CTSS: variants seen among roughly 807,000 people sequenced by gnomAD.
CTSS encodes cathepsin S.
In CTSS, 15 loss-of-function variants were observed where a neutral mutation model predicts 39.9. The observed-to-expected ratio is 0.38, with a 90% CI of 0.25 to 0.58. The LOEUF is 0.58. CTSS is among the 20% of genes least tolerant of loss of function. The probability of loss-of-function intolerance (pLI) is 0.70; values close to 1 mark genes in which losing one functional copy is unlikely to be tolerated. For missense variants in CTSS, 250 were observed against 398.2 expected (o/e 0.63, Z 3.17); for synonymous variants, 126 against 138.2 (o/e 0.91, Z 0.62).
intron 2 of CTSS, among the ~76,000 whole-genome samples, chr1:150,762,433 C>T (rs1175874801): frequency 6.6e-6 from 1 of 152,030 alleles, no homozygotes; most frequent in Non-Finnish European, 1.5e-5. Context: ...GAACGGGACT[C>T]CATCAAACTA....
At position 150,732,969 on chromosome 1, in the gene CTSS, T is replaced by C. The variant is rs1252376013; in HGVS notation, c.*77A>G. On this transcript the variant is annotated 3_prime_UTR_variant, in exon 8 of 8. Coordinates refer to ENST00000368985, the MANE Select transcript of CTSS (RefSeq NM_004079.5). ...CATTAATCATGACACAATTATTTCT[T>C]CTGGATACAGCAGGAAAAATTAAGT... 8.9e-6 allele frequency: 9 copies of C among 1,010,540 alleles called. No homozygotes were observed. Among genetic ancestry groups the C allele is most frequent in the Non-Finnish European group, 1.2e-5 (8 of 657,270 alleles). 62.6% of individuals were successfully genotyped at this position (1,010,540 alleles called of 1,614,324 possible). A position where few individuals can be genotyped will look rare whatever the true frequency, so the allele number is the denominator to read the frequency against.
intron 3 of CTSS, among the ~76,000 whole-genome samples, chr1:150,756,863 T>C (rs1012900622): frequency 1.3e-5 from 2 of 152,162 alleles, no homozygotes; most frequent in African/African-American, 4.8e-5. Context: ...ATTACAGGCA[T>C]GTGCCACCAC....
Position 150,732,706 on chromosome 1 carries a change from T to C in CTSS, c.*340A>G. The C allele has an allele frequency of 5.6e-6, 1 of 179,492 alleles. No individual in the cohort carries two copies. Among genetic ancestry groups the C allele is most frequent in the Non-Finnish European group, 1.2e-5 (1 of 85,188 alleles). The allele number at this position is 179,492 out of a possible 1,614,324, so 11.1% of individuals were successfully genotyped here. The stretch of plus-strand genomic sequence containing the variant: ...TCAACATAGCCTCAACCTCTTGGGT[T>C]CAAGGAATCTCGTGCCTCAGCCTCC... On this transcript the variant is annotated 3_prime_UTR_variant, in exon 8 of 8. Transcript: ENST00000368985.
chr1:150,745,416 T>A (rs1652874020), intron 7 of CTSS, among the ~76,000 whole-genome samples: 1 of 152,108 alleles, frequency 6.6e-6, no homozygotes. Flanking sequence ...ATCCCAGTGC[T>A]CTGGGAGACC....
At chr1:150,753,200 C>G (rs1653043517) in intron 4 of CTSS, among the ~76,000 whole-genome samples, 1 of 152,110 alleles carries the variant, frequency 6.6e-6, no homozygotes, top group African/African-American at 2.4e-5. Context: ...TTGATCACAA[C>G]CTGGGGTAGC....
chr1:150,731,390 A>T lies in CTSS; in HGVS notation c.*1656T>A, dbSNP rs587755816. ...GCAACAGAGTGAGACTCCGTCTCAA[A>T]AAACAAAACAAAACTGAAAAGTAAT... On this transcript the variant is annotated 3_prime_UTR_variant, in exon 8 of 8. Transcript: ENST00000368985. The T allele has an allele frequency of 6.6e-6, 1 of 152,368 alleles. No individual in the cohort carries two copies. The highest frequency in any genetic ancestry group is 2.1e-4 in the South Asian group (1 of 4,832). 9.4% of individuals were successfully genotyped at this position (152,368 alleles called of 1,614,324 possible).
chr1:150,760,582 T>C (rs890876116), intron 2 of CTSS, among the ~76,000 whole-genome samples: 13 of 152,166 alleles, frequency 8.5e-5, no homozygotes, highest in African/African-American at 3.1e-4. Context: ...TGTTTGTTGA[T>C]AACATGATCA....
intron 6 of CTSS, 102 bp from the exon 7 acceptor site, chr1:150,747,981 G>T: frequency 2.6e-6 from 2 of 771,170 alleles, no homozygotes; most frequent in Non-Finnish European, 4.3e-6. Flanking sequence ...TGGATACATA[G>T]CAAGGTTAAT....
intron 6 of CTSS, 102 bp downstream of exon 6, chr1:150,749,904 C>G: frequency 9.9e-7 from 1 of 1,008,810 alleles, no homozygotes; most frequent in Non-Finnish European, 1.4e-6. Flanking sequence ...ATCCTCCCAC[C>G]TCAGCCTCCA....
At chr1:150,737,589 T>G (rs1652662466) in intron 7 of CTSS, among the ~76,000 whole-genome samples, 1 of 152,182 alleles carries the variant, frequency 6.6e-6, no homozygotes, top group Non-Finnish European at 1.5e-5. Context: ...TAACTTATTA[T>G]TCCTTCTAAA....
At chr1:150,759,953 T>C (rs1452199015) in intron 2 of CTSS, among the ~76,000 whole-genome samples, 1 of 151,458 alleles carries the variant, frequency 6.6e-6, no homozygotes, top group Non-Finnish European at 1.5e-5. Flanking sequence ...TGGGCATGCA[T>C]GATGGGCTTA....
chr1:150,765,103 A>ATCTCTC (rs1653344554), intron 1 of CTSS, among the ~76,000 whole-genome samples: 1 of 126,896 alleles, frequency 7.9e-6, no homozygotes, highest in Admixed American at 8.1e-5. Flanking sequence ...CTCTCTCTCA[A>ATCTCTC]AAAAAAAAAA....
At chr1:150,757,766 A>T in intron 3 of CTSS, 92 bp downstream of exon 3, 2 of 1,337,302 alleles carry the variant, frequency 1.5e-6, no homozygotes, top group Non-Finnish European at 2.1e-6. Context: ...TTCCTTTGTT[A>T]TTGTTGTTTA....
intron 7 of CTSS, among the ~76,000 whole-genome samples, chr1:150,737,058 A>G (rs1156590282): frequency 6.6e-6 from 1 of 152,096 alleles, no homozygotes; most frequent in African/African-American, 2.4e-5. Flanking sequence ...TATTTTTATT[A>G]TTATCCAGGT....
intron 4 of CTSS, among the ~76,000 whole-genome samples, chr1:150,754,430 C>CT (rs35667418): frequency 0.34 from 46,084 of 135,060 alleles, 8,082 homozygotes; most frequent in South Asian, 0.53. Flanking sequence ...TATACTTTAC[C>CT]TTTTTTTTTT....
At chr1:150,757,543 T>C (rs745389299) in intron 3 of CTSS, among the ~76,000 whole-genome samples, 4 of 152,124 alleles carry the variant, frequency 2.6e-5, no homozygotes, top group African/African-American at 4.8e-5. Context: ...TAAATAAGTA[T>C]GGCAACTTGC....
rs969842176 is a variant in CTSS, at chr1:150,732,030, T to C, written c.*1016A>G. 3 of 152,142 alleles carry C rather than the reference T, an allele frequency of 2.0e-5. No individual in the cohort carries two copies. Among genetic ancestry groups the C allele is most frequent in the Non-Finnish European group, 4.4e-5 (3 of 68,044 alleles). 9.4% of individuals were successfully genotyped at this position (152,142 alleles called of 1,614,324 possible). A position where few individuals can be genotyped will look rare whatever the true frequency, so the allele number is the denominator to read the frequency against. On this transcript the variant is annotated 3_prime_UTR_variant, in exon 8 of 8. Transcript: ENST00000368985. ...TCTTGTGATCCTCCTGTCTTAGACA[T>C]CTGCATAGCAGGGACCACAGGCACA...
At chr1:150,749,449 C>A (rs1344167671) in intron 6 of CTSS, among the ~76,000 whole-genome samples, 2 of 152,090 alleles carry the variant, frequency 1.3e-5, no homozygotes, top group Non-Finnish European at 2.9e-5. Context: ...CAGAACAAGA[C>A]CCTAACTCTC....
intron 7 of CTSS, among the ~76,000 whole-genome samples, chr1:150,742,781 G>A (rs1652795079): frequency 6.6e-6 from 1 of 152,148 alleles, no homozygotes; most frequent in Admixed American, 6.5e-5. Flanking sequence ...TGATGCTTAG[G>A]CTTTAATAAT....
Sources: allele counts gnomAD v4.1 joint callset (sites outside exome capture counted in the v4.1 genomes callset), GRCh38; gene constraint gnomAD v4.1.1; transcripts MANE v1.5; gene names NCBI Gene and HGNC (gene_info 2026-07-23, HGNC 2026-07-21).